RPH3A: variants seen among roughly 807,000 people sequenced by gnomAD.
The protein encoded by RPH3A is rabphilin-3A.
Under a neutral mutation model 102.2 loss-of-function variants are expected in RPH3A, and 48 were observed. The observed-to-expected ratio is 0.47, with a 90% confidence interval of 0.37 to 0.60. The LOEUF (loss-of-function observed/expected upper bound fraction) is 0.60. RPH3A is among the 20% of genes least tolerant of loss of function. The probability of loss-of-function intolerance (pLI) is 0.00; values close to 1 mark genes in which losing one functional copy is unlikely to be tolerated. For missense variants in RPH3A, 781 were observed against 910.1 expected, an observed-to-expected ratio of 0.86 and a Z score of 1.83; for synonymous variants, 310 against 324.3, an observed-to-expected ratio of 0.96 and a Z score of 0.47.
intron 1 of RPH3A, among the ~76,000 whole-genome samples, chr12:112,742,601 T>A (rs2040717149): frequency 6.6e-6 from 1 of 152,100 alleles, no homozygotes; most frequent in South Asian, 2.1e-4. Flanking sequence ...ATGAATACAG[T>A]CCAGGGAAAC....
rs568077458 is a variant in RPH3A, at chr12:112,896,702, C to T, written c.2007C>T (p.Tyr669=). 1.4e-5 allele frequency: 22 copies of T among 1,613,940 alleles called. No individual in the cohort carries two copies. The highest frequency in any genetic ancestry group is 8.9e-5 in the East Asian group (4 of 44,888). Residue 669 remains tyrosine (Y), a synonymous_variant, in exon 22 of 22, where the codon TAC becomes TAT. Coordinates refer to ENST00000389385, the MANE Select transcript of RPH3A (RefSeq NM_001143854.2). Reference sequence around the variant, plus strand: ...AGGGAGAGCGCTTAAAACACTGGTACGAGTGTCTGAAAAATAAAGACAAGA... The same window carrying T: ...AGGGAGAGCGCTTAAAACACTGGTATGAGTGTCTGAAAAATAAAGACAAGA... ...SAKGERLKHW[Y]ECLKNKDKKI... is the part of the protein sequence containing the mutation.
chr12:112,836,560 C>T (rs2042054643), intron 4 of RPH3A, 58 bp downstream of exon 4: 2 of 891,172 alleles, frequency 2.2e-6, no homozygotes, highest in South Asian at 4.2e-5. Flanking sequence ...TTATCTCTTT[C>T]TCTGATCAAG....
Position 112,704,359 on chromosome 12 carries a change from G to A in RPH3A, c.-139-87784G>A, listed in dbSNP as rs566163062. 3.3e-5 allele frequency among the ~76,000 whole-genome samples: 5 copies of A among 152,244 alleles called. No homozygotes were observed. The South Asian group carries it at 1.0e-3, about 32-fold the overall frequency. On this transcript the variant is annotated intron_variant, in intron 1 of 21. Coordinates refer to the RPH3A transcript ENST00000543106. ...CCCACCTCAGCCTCCCAAAATGCTG[G>A]GATTACAGGCATCAGCCACTGCGCT...
intron 1 of RPH3A, among the ~76,000 whole-genome samples, chr12:112,581,612 C>T (rs1178209568): frequency 6.6e-6 from 1 of 152,182 alleles, no homozygotes; most frequent in South Asian, 2.1e-4. Flanking sequence ...GTTTCCCAAG[C>T]TGGTCTTGAA....
chr12:112,616,480 G>C (rs1187252096), intron 1 of RPH3A, among the ~76,000 whole-genome samples: 3 of 152,170 alleles, frequency 2.0e-5, no homozygotes, highest in South Asian at 4.1e-4. Flanking sequence ...GGCTGAGTTG[G>C]AGACTTTTCA....
chr12:112,839,399 G>A lies in RPH3A; in HGVS notation c.83+2897G>A, dbSNP rs113839424. ...ACTCAGTGACTTAGAACAGTTACTT[G>A]TTCTCAGGGATCTGGGCTTGGTGAG... On this transcript the variant is annotated intron_variant, in intron 4 of 21. Coordinates refer to ENST00000389385, the MANE Select transcript of RPH3A (RefSeq NM_001143854.2). Among the ~76,000 whole-genome samples, 664 of 152,034 alleles carry A rather than the reference G, an allele frequency of 4.4e-3. 6 individuals carry two copies. The highest frequency in any genetic ancestry group is 0.015 in the African/African-American group (621 of 41,462).
intron 1 of RPH3A, among the ~76,000 whole-genome samples, chr12:112,615,808 T>C (rs936175657): frequency 5.3e-5 from 8 of 152,186 alleles, no homozygotes; most frequent in Middle Eastern, 3.2e-3. Flanking sequence ...AGTAAGTTAC[T>C]TCACCTCCCT....
At chr12:112,576,482 G>A (rs1477705770) in intron 1 of RPH3A, among the ~76,000 whole-genome samples, 1 of 152,210 alleles carries the variant, frequency 6.6e-6, no homozygotes, top group Non-Finnish European at 1.5e-5. Flanking sequence ...GCCTCCCAAA[G>A]TGCTGGTATT....
At chr12:112,610,130 T>C (rs1216855924) in intron 1 of RPH3A, among the ~76,000 whole-genome samples, 6 of 152,214 alleles carry the variant, frequency 3.9e-5, no homozygotes, top group Non-Finnish European at 7.3e-5. Flanking sequence ...ATCGCTCTGT[T>C]TCCACCTCTG....
At chr12:112,646,225 AAC>A (rs2039929148) in intron 1 of RPH3A, among the ~76,000 whole-genome samples, 1 of 152,200 alleles carries the variant, frequency 6.6e-6, no homozygotes, top group Non-Finnish European at 1.5e-5. Flanking sequence ...TATCATAGGT[AAC>A]AGTGACTCCA....
At chr12:112,592,003 T>A (rs2039482536) in intron 1 of RPH3A, among the ~76,000 whole-genome samples, 1 of 152,184 alleles carries the variant, frequency 6.6e-6, no homozygotes, top group East Asian at 1.9e-4. Flanking sequence ...AACCTATGCA[T>A]GTCCTCTTTG....
chr12:112,617,621 A>G (rs1459783447), intron 1 of RPH3A: 3 of 152,256 alleles, frequency 2.0e-5, no homozygotes, highest in Non-Finnish European at 4.4e-5. Flanking sequence ...CGGAAGGAAC[A>G]AAGTTTAATT....
At chr12:112,854,453 T>G (rs1313775094) in intron 5 of RPH3A, among the ~76,000 whole-genome samples, 3 of 152,252 alleles carry the variant, frequency 2.0e-5, no homozygotes, top group Admixed American at 6.5e-5. Flanking sequence ...AGGAATCCTA[T>G]GCAATAGCAC....
At chr12:112,889,541 T>C in intron 17 of RPH3A, among the ~76,000 whole-genome samples, 1 of 152,108 alleles carries the variant, frequency 6.6e-6, no homozygotes, top group South Asian at 2.1e-4. Flanking sequence ...CTCTCCAAAG[T>C]GGGGAGGTTG....
intron 1 of RPH3A, among the ~76,000 whole-genome samples, chr12:112,744,068 T>TTTTC (rs1252782242): frequency 6.6e-6 from 1 of 151,980 alleles, no homozygotes; most frequent in African/African-American, 2.4e-5. Context: ...CAGGCTTCAG[T>TTTTC]TTTCTTTCTT....
intron 2 of RPH3A, among the ~76,000 whole-genome samples, chr12:112,810,990 G>A (rs900396169): frequency 6.6e-6 from 1 of 151,518 alleles, no homozygotes; most frequent in African/African-American, 2.4e-5. Flanking sequence ...TGTGTGTATA[G>A]ATAAAGAGAG....
chr12:112,609,841 G>T (rs1234365782), intron 1 of RPH3A, among the ~76,000 whole-genome samples: 1 of 152,172 alleles, frequency 6.6e-6, no homozygotes, highest in East Asian at 1.9e-4. Context: ...AGTCTGACAC[G>T]CAGTGGGCCA....
chr12:112,859,345 G>A (rs1034937182), intron 5 of RPH3A, among the ~76,000 whole-genome samples: 2 of 152,032 alleles, frequency 1.3e-5, no homozygotes, highest in African/African-American at 2.4e-5. Flanking sequence ...TTTAACCATC[G>A]GCCACATGAT....
intron 2 of RPH3A, among the ~76,000 whole-genome samples, chr12:112,804,316 G>T (rs1042522326): frequency 1.3e-5 from 2 of 152,182 alleles, no homozygotes; most frequent in African/African-American, 4.8e-5. Context: ...GTGGTCTCAG[G>T]ATCCTTCCCG....
Sources: gnomAD v4.1 joint callset for allele counts (sites outside exome capture counted in the v4.1 genomes callset) on GRCh38, gnomAD v4.1.1 for gene constraint, MANE v1.5 for transcripts, NCBI Gene and HGNC (gene_info 2026-07-23, HGNC 2026-07-21) for gene names.